The following TRAK1 variants were observed in gnomAD, a reference collection of about 807,000 sequenced individuals.
The protein encoded by TRAK1 is trafficking kinesin protein 1, also known as trafficking kinesin-binding protein 1.
A neutral mutation model predicts 92.1 loss-of-function variants in TRAK1; 33 were observed. That is an observed-to-expected ratio of 0.36 (90% confidence interval 0.27 to 0.48). The LOEUF (loss-of-function observed/expected upper bound fraction) is 0.48. Ranked by LOEUF, TRAK1 falls within the 20% of genes least tolerant of loss-of-function variation. The pLI, the probability that TRAK1 is intolerant of heterozygous loss-of-function variation, is 0.99. For missense variants in TRAK1, 1,123 were observed against 1,257.9 expected, an observed-to-expected ratio of 0.89 and a Z score of 1.62; for synonymous variants, 521 against 517.3, an observed-to-expected ratio of 1.01 and a Z score of -0.10.
At chr3:42,175,231 G>A (rs1703045495) in intron 2 of TRAK1, among the ~76,000 whole-genome samples, 1 of 152,100 alleles carries the variant, frequency 6.6e-6, no homozygotes, top group South Asian at 2.1e-4. Context: ...ATGCTTTGGC[G>A]TGCTGGCTGG....
chr3:42,124,838 G>GC (rs1710353691), intron 1 of TRAK1, among the ~76,000 whole-genome samples: 1 of 152,182 alleles, frequency 6.6e-6, no homozygotes, highest in Non-Finnish European at 1.5e-5. Context: ...ATTGCTGGAT[G>GC]CCCCATAAGG....
At chr3:42,184,180 A>G (rs1704457047) in intron 3 of TRAK1, among the ~76,000 whole-genome samples, 3 of 152,370 alleles carry the variant, frequency 2.0e-5, no homozygotes, top group Admixed American at 2.0e-4. Context: ...AAGGAATTCA[A>G]TGCATTCCAG....
chr3:42,033,675 G>T (rs1280506183), intron 1 of TRAK1, among the ~76,000 whole-genome samples: 1 of 152,210 alleles, frequency 6.6e-6, no homozygotes, highest in African/African-American at 2.4e-5. Flanking sequence ...AGACTGTGTA[G>T]TGTGGTTGTG....
chr3:42,146,092 C>A (rs1699291188), intron 2 of TRAK1: 2 of 465,902 alleles, frequency 4.3e-6, no homozygotes, highest in South Asian at 3.4e-5. Flanking sequence ...GTAAAAAATT[C>A]TTGTATCCCA....
chr3:42,051,721 T>C (rs985383731), intron 1 of TRAK1: 2 of 152,248 alleles, frequency 1.3e-5, no homozygotes, highest in East Asian at 1.9e-4. Context: ...AGGAGATGGC[T>C]AGCCCTTTGC....
intron 1 of TRAK1, among the ~76,000 whole-genome samples, chr3:42,048,446 ATTC>A (rs1702845729): frequency 1.3e-5 from 2 of 152,138 alleles, no homozygotes; most frequent in South Asian, 4.1e-4. Context: ...ACCACTGTGG[ATTC>A]TATTCTGTGT....
At chr3:42,170,530 C>T (rs367674032) in intron 2 of TRAK1, among the ~76,000 whole-genome samples, 4 of 152,106 alleles carry the variant, frequency 2.6e-5, no homozygotes, top group African/African-American at 9.7e-5. Context: ...TTCTTTGGCA[C>T]CTAAGTACCA....
intron 1 of TRAK1, among the ~76,000 whole-genome samples, chr3:42,091,778 C>G (rs1705105270): frequency 2.6e-5 from 4 of 152,074 alleles, no homozygotes; most frequent in Admixed American, 2.6e-4. Flanking sequence ...ATCTCCCGTT[C>G]CCAGGTCCCC....
At chr3:42,161,785 T>TG (rs1416711407) in intron 2 of TRAK1, among the ~76,000 whole-genome samples, 1 of 152,202 alleles carries the variant, frequency 6.6e-6, no homozygotes, top group African/African-American at 2.4e-5. Flanking sequence ...GAGGCCTGCA[T>TG]TCTGGCTGGT....
At chr3:42,047,264 T>C (rs1702790916) in intron 1 of TRAK1, among the ~76,000 whole-genome samples, 1 of 148,336 alleles carries the variant, frequency 6.7e-6, no homozygotes, top group South Asian at 2.2e-4. Context: ...GGCATGATCA[T>C]AGCTCACTGC....
chr3:42,053,508 T>C (rs1703072780), intron 1 of TRAK1, among the ~76,000 whole-genome samples: 1 of 151,926 alleles, frequency 6.6e-6, no homozygotes, highest in Non-Finnish European at 1.5e-5. Context: ...GGCCCCATTC[T>C]GTGGTATGGG....
At chr3:42,036,910 T>C (rs1702349568) in intron 1 of TRAK1, among the ~76,000 whole-genome samples, 2 of 152,206 alleles carry the variant, frequency 1.3e-5, no homozygotes, top group Admixed American at 6.5e-5. Flanking sequence ...CCACCACACC[T>C]GGCTAATTTT....
intron 1 of TRAK1, among the ~76,000 whole-genome samples, chr3:42,107,517 GA>G (rs61327335): frequency 0.015 from 1,572 of 106,912 alleles, 14 homozygotes; most frequent in African/African-American, 0.031. Context: ...TTTCAAAAAA[GA>G]AAAAAAAAAA....
chr3:42,147,920 G>A (rs1325722305), intron 2 of TRAK1, among the ~76,000 whole-genome samples: 1 of 152,114 alleles, frequency 6.6e-6, no homozygotes, highest in Non-Finnish European at 1.5e-5. Context: ...TCGATACAAA[G>A]TATGGATTCC....
At chr3:42,102,962 T>C (rs1707013506) in intron 1 of TRAK1, among the ~76,000 whole-genome samples, 2 of 152,330 alleles carry the variant, frequency 1.3e-5, no homozygotes, top group East Asian at 1.9e-4. Context: ...AACAGCTTCA[T>C]TGAGATATAA....
At chr3:42,088,147 TTTTG>T (rs1192628805), upstream of TRAK1, among the ~76,000 whole-genome samples, 3 of 152,346 alleles carry the variant, frequency 2.0e-5, no homozygotes, top group East Asian at 5.8e-4. Flanking sequence ...CAGTGTTTGC[TTTTG>T]TTTGTCTGTT....
At chr3:42,018,482 C>T (rs1701611508) in intron 1 of TRAK1, among the ~76,000 whole-genome samples, 1 of 152,016 alleles carries the variant, frequency 6.6e-6, no homozygotes, top group Admixed American at 6.6e-5. Context: ...TACTAACATC[C>T]GACAAGGATG....
At chr3:42,105,375 C>G (rs556904607) in intron 1 of TRAK1, among the ~76,000 whole-genome samples, 1 of 152,236 alleles carries the variant, frequency 6.6e-6, no homozygotes, top group Non-Finnish European at 1.5e-5. Context: ...GACGCATGCA[C>G]AAGCTTCAGT....
chr3:42,218,811 G>A, intron 14 of TRAK1: 1 of 985,376 alleles, frequency 1.0e-6, no homozygotes, highest in Non-Finnish European at 1.2e-6. Context: ...AGGGGGTATG[G>A]GGACCTGTCC....
Sources: allele counts gnomAD v4.1 joint callset (sites outside exome capture counted in the v4.1 genomes callset), GRCh38; gene constraint gnomAD v4.1.1; transcripts MANE v1.5; gene names NCBI Gene and HGNC (gene_info 2026-07-23, HGNC 2026-07-21).